Variants in PKHD1 observed in about 807,000 individuals in gnomAD.
PKHD1 encodes the protein fibrocystin.
A neutral mutation model predicts 412.0 loss-of-function variants in PKHD1; 291 were observed. That is an observed-to-expected ratio of 0.71 (90% CI 0.64 to 0.78). PKHD1 has a LOEUF of 0.78. Ranked by LOEUF, PKHD1 falls within the 30% of genes least tolerant of loss-of-function variation. PKHD1 has a pLI of 0.00. For synonymous variants in PKHD1, 1,777 were observed against 1,821.5 expected, an observed-to-expected ratio of 0.98 and a Z score of 0.62; for missense variants, 4,825 against 4,950.7, an observed-to-expected ratio of 0.97 and a Z score of 0.76.
intron 64 of PKHD1, among the ~76,000 whole-genome samples, chr6:51,637,688 G>A (rs1478634347): frequency 1.3e-5 from 2 of 151,764 alleles, no homozygotes; most frequent in South Asian, 2.1e-4. Context: ...GGCGAATCAC[G>A]AGGTCAGAAA....
intron 60 of PKHD1, among the ~76,000 whole-genome samples, chr6:51,737,948 T>G (rs1350950530): frequency 6.6e-6 from 1 of 152,096 alleles, no homozygotes; most frequent in East Asian, 1.9e-4. Context: ...TATTGAAGAG[T>G]AATAATTTAA....
At chr6:51,900,959 C>T (rs1781167089) in intron 43 of PKHD1, among the ~76,000 whole-genome samples, 1 of 152,126 alleles carries the variant, frequency 6.6e-6, no homozygotes, top group African/African-American at 2.4e-5. Context: ...AAATCAAAAC[C>T]ACAATGAGAT....
chr6:51,807,909 G>C (rs1764096084), intron 52 of PKHD1, among the ~76,000 whole-genome samples: 1 of 152,066 alleles, frequency 6.6e-6, no homozygotes, highest in Admixed American at 6.6e-5. Context: ...GCCTGTGGCT[G>C]GGGGAGATTG....
intron 27 of PKHD1, among the ~76,000 whole-genome samples, chr6:52,041,501 T>A (rs1371438225): frequency 1.3e-5 from 2 of 152,142 alleles, no homozygotes; most frequent in African/African-American, 4.8e-5. Flanking sequence ...GAGTACTGAT[T>A]AACTCATAGG....
At chr6:52,078,681 T>C (rs1811643212) in intron 5 of PKHD1, among the ~76,000 whole-genome samples, 1 of 152,024 alleles carries the variant, frequency 6.6e-6, no homozygotes, top group South Asian at 2.1e-4. Context: ...GAAACGTTTC[T>C]CTTATTTCCC....
rs1344717858 is a variant in PKHD1 at position 52,024,630 on chromosome 6, G to A, written c.5180C>T (p.Ser1727Leu). Residue 1727 changes from serine to leucine, a missense_variant, in exon 32 of 67, where the codon TCA (serine) becomes TTA (leucine). Transcript: ENST00000371117. ...RGYDCIRGWA[S>L]SALVFTSRVI... ...TCTTGAGGTGAACACCAGGGCAGAT[G>A]AGGCCCACCCTCTGATGCAGTCATA... 6.2e-7 allele frequency: 1 copy of A among 1,614,044 alleles called. No individual in the cohort carries two copies. Among genetic ancestry groups the A allele is most frequent in the East Asian group, 2.2e-5 (1 of 44,894 alleles).
At chr6:51,641,950 C>G (rs557397536) in intron 63 of PKHD1, among the ~76,000 whole-genome samples, 3 of 151,992 alleles carry the variant, frequency 2.0e-5, no homozygotes, top group African/African-American at 7.3e-5. Context: ...ATGTAGATGA[C>G]GGGTTGATGG....
Position 51,847,940 on chromosome 6 carries a change from C to G in PKHD1, c.7942G>C (p.Gly2648Arg), listed in dbSNP as rs139555370. 1 of 1,613,932 alleles carries G rather than the reference C, an allele frequency of 6.2e-7. No homozygotes were observed. The highest frequency in any genetic ancestry group is 1.7e-5 in the Admixed American group (1 of 59,994). Residue 2648 changes from glycine (G) to arginine (R), a missense_variant, in exon 50 of 67, where the codon GGT (glycine) becomes CGT (arginine). Physicochemically the swap from Gly to Arg is moderately radical, Grantham distance 125. Transcript: ENST00000371117. ...GTGTGCACCAGCAGTAGGTAATTAC[C>G]AGGAGCAAAGTTGTCAAAGGTTGCT... ...YSATFDNFAP[G>R]NYLLLVHTDL... is the part of the protein sequence containing the mutation.
intron 61 of PKHD1, among the ~76,000 whole-genome samples, chr6:51,656,091 C>A (rs369634372): frequency 6.6e-6 from 1 of 152,116 alleles, no homozygotes; most frequent in African/African-American, 2.4e-5. Flanking sequence ...TGGAACCAAC[C>A]CAAATGCCCA....
chr6:51,962,996 T>C (rs1296466202), intron 35 of PKHD1, among the ~76,000 whole-genome samples: 2 of 152,110 alleles, frequency 1.3e-5, no homozygotes. Flanking sequence ...GCTCAATAAA[T>C]GTTTTTGAAT....
intron 27 of PKHD1, among the ~76,000 whole-genome samples, chr6:52,035,980 G>A (rs753071467): frequency 1.3e-5 from 2 of 152,106 alleles, no homozygotes; most frequent in Admixed American, 6.6e-5. Flanking sequence ...GAACACAATC[G>A]TGCCACAAGT....
chr6:52,031,448 G>T (rs555896164), intron 29 of PKHD1, among the ~76,000 whole-genome samples: 6 of 152,296 alleles, frequency 3.9e-5, no homozygotes, highest in Middle Eastern at 3.4e-3. Context: ...CTGCCCATGT[G>T]GCATAGTGGA....
intron 43 of PKHD1, among the ~76,000 whole-genome samples, chr6:51,896,348 C>A (rs1264789220): frequency 6.6e-6 from 1 of 151,922 alleles, no homozygotes; most frequent in South Asian, 2.1e-4. Context: ...TCAAGTGGGT[C>A]CCTGACCCCT....
chr6:51,882,658 G>C (rs933955615), intron 46 of PKHD1, among the ~76,000 whole-genome samples: 4 of 152,154 alleles, frequency 2.6e-5, no homozygotes, highest in African/African-American at 9.7e-5. Flanking sequence ...TCCCACCCGG[G>C]AGTACTCTTT....
chr6:52,012,986 A>C lies in PKHD1; in HGVS notation c.5601-2527T>G, dbSNP rs112495659. On this transcript the variant is annotated intron_variant, in intron 34 of 66. Transcript: ENST00000371117. ...TTCCAGAATTCCTCCTCTTTTTTTT[A>C]GGTTCATAGAATATCTGCCCATCAC... Among the ~76,000 whole-genome samples, 698 of 152,122 alleles carry C rather than the reference A, an allele frequency of 4.6e-3. 6 individuals carry two copies. Among genetic ancestry groups the C allele is most frequent in the African/African-American group, 0.016 (657 of 41,508 alleles).
intron 60 of PKHD1, among the ~76,000 whole-genome samples, chr6:51,718,423 T>C (rs1781515129): frequency 6.6e-6 from 1 of 152,236 alleles, no homozygotes; most frequent in South Asian, 2.1e-4. Flanking sequence ...AAATGTGTCT[T>C]ACGTTTCAAC....
chr6:52,081,020 G>A (rs1005636370), intron 4 of PKHD1, among the ~76,000 whole-genome samples: 1 of 152,090 alleles, frequency 6.6e-6, no homozygotes, highest in Non-Finnish European at 1.5e-5. Flanking sequence ...ATGTTTTTAT[G>A]ATAATGATGA....
intron 51 of PKHD1, among the ~76,000 whole-genome samples, chr6:51,836,140 G>A (rs1364762952): frequency 1.3e-5 from 2 of 152,086 alleles, no homozygotes; most frequent in Non-Finnish European, 2.9e-5. Context: ...GTGCACATAT[G>A]GTCCATAATT....
chr6:51,972,148 G>A (rs1369941150), intron 35 of PKHD1, among the ~76,000 whole-genome samples: 2 of 152,176 alleles, frequency 1.3e-5, no homozygotes, highest in South Asian at 2.1e-4. Flanking sequence ...TGAGAAAAGA[G>A]GATTTTCTTT....
Sources: gnomAD v4.1 joint callset for allele counts (sites outside exome capture counted in the v4.1 genomes callset) on GRCh38, gnomAD v4.1.1 for gene constraint, MANE v1.5 for transcripts, NCBI Gene and HGNC (gene_info 2026-07-23, HGNC 2026-07-21) for gene names.